INPP5D: variants seen among roughly 807,000 people sequenced by gnomAD.
INPP5D encodes inositol polyphosphate-5-phosphatase D.
In INPP5D, 33 loss-of-function variants were observed where a neutral mutation model predicts 122.9. That is an observed-to-expected ratio of 0.27 (90% CI 0.20 to 0.36). The LOEUF (loss-of-function observed/expected upper bound fraction) is 0.36. INPP5D is among the 10% of genes least tolerant of loss of function. The probability of loss-of-function intolerance (pLI) is 1.00; values close to 1 mark genes in which losing one functional copy is unlikely to be tolerated. For missense variants in INPP5D, 1,053 were observed against 1,412.7 expected, an observed-to-expected ratio of 0.75 and a Z score of 4.08; for synonymous variants, 584 against 576.2, an observed-to-expected ratio of 1.01 and a Z score of -0.19.
rs1245949864 is a variant in INPP5D at position 233,100,125 on chromosome 2, T to C, written c.198+20727T>C. 1.3e-5 allele frequency among the ~76,000 whole-genome samples: 2 copies of C among 152,088 alleles called. No homozygotes were observed. The highest frequency in any genetic ancestry group is 6.6e-5 in the Admixed American group (1 of 15,260). ...AGATGAGATTTGGGTGGGGACACAG[T>C]CAAACCATATCAGAGTGGAAGCATT... On this transcript the variant is annotated intron_variant, in intron 2 of 26. Transcript: ENST00000445964. This position sits in a 1 kb window ranked among gnomAD's most constrained non-coding sequence, Gnocchi z 5.3.
At chr2:233,098,313 G>A (rs1362532559) in intron 2 of INPP5D, among the ~76,000 whole-genome samples, 1 of 152,126 alleles carries the variant, frequency 6.6e-6, no homozygotes, top group East Asian at 1.9e-4. Context: ...TGCCCAAATG[G>A]GACCAGCACC....
intron 13 of INPP5D, among the ~76,000 whole-genome samples, chr2:233,165,844 G>A (rs981650679): frequency 3.2e-5 from 3 of 94,194 alleles, no homozygotes; most frequent in African/African-American, 1.0e-4. Context: ...GAGCCTCTCT[G>A]TGTGTTTGTG....
chr2:233,170,451 T>G lies in INPP5D; in HGVS notation c.1792-45T>G. The G allele has an allele frequency of 6.2e-7, 1 of 1,612,308 alleles. No homozygotes were observed. Among genetic ancestry groups the G allele is most frequent in the Non-Finnish European group, 8.5e-7 (1 of 1,179,170 alleles). Reference sequence around the variant, plus strand: ...AGCCCCGAAGCTTGTCAGGCCTGGATCAGCAGGGCTTCTCACCAGAGGCCC... The same window carrying G: ...AGCCCCGAAGCTTGTCAGGCCTGGAGCAGCAGGGCTTCTCACCAGAGGCCC... On this transcript the variant is annotated intron_variant, in intron 15 of 26. Transcript: ENST00000445964. The surrounding 1 kb of genome is among the most constrained non-coding windows in gnomAD (Gnocchi z 4.5).
intron 24 of INPP5D, among the ~76,000 whole-genome samples, chr2:233,196,220 A>C (rs1034423272): frequency 6.6e-6 from 1 of 152,180 alleles, no homozygotes; most frequent in Non-Finnish European, 1.5e-5. Context: ...CAGGAGAAAG[A>C]AGCTCCAGCC....
chr2:233,085,426 A>G (rs1267639404), intron 2 of INPP5D, among the ~76,000 whole-genome samples: 1 of 151,468 alleles, frequency 6.6e-6, no homozygotes, highest in Non-Finnish European at 1.5e-5. Flanking sequence ...AATAGTTCCG[A>G]GTACAAAATC....
intron 2 of INPP5D, among the ~76,000 whole-genome samples, chr2:233,110,253 G>A (rs1207937899): frequency 2.0e-5 from 3 of 151,470 alleles, no homozygotes; most frequent in Non-Finnish European, 4.4e-5. Context: ...CAGGTTTTCA[G>A]CATGTTGACC....
chr2:233,169,511 G>A, intron 14 of INPP5D, 110 bp downstream of exon 14: 1 of 1,490,462 alleles, frequency 6.7e-7, no homozygotes, highest in Non-Finnish European at 9.0e-7. Flanking sequence ...TTGACCTTGT[G>A]GATGTCCTGT....
At chr2:233,193,632 G>C (rs552684384) in intron 22 of INPP5D, among the ~76,000 whole-genome samples, 180 bp from the exon 23 acceptor site, 1 of 152,090 alleles carries the variant, frequency 6.6e-6, no homozygotes, top group African/African-American at 2.4e-5. Context: ...ACTAATCCAC[G>C]TTTTGTTCTA....
intron 18 of INPP5D, among the ~76,000 whole-genome samples, chr2:233,179,033 T>C (rs1694718178): frequency 6.6e-6 from 1 of 152,194 alleles, no homozygotes; most frequent in Non-Finnish European, 1.5e-5. Flanking sequence ...GCAGCTACCC[T>C]GAAATAGTTT....
chr2:233,174,107 G>C (rs1318039624), intron 17 of INPP5D, among the ~76,000 whole-genome samples: 1 of 152,344 alleles, frequency 6.6e-6, no homozygotes, highest in Admixed American at 6.5e-5. Flanking sequence ...ACCTCCTGAA[G>C]GACCTGCCTG....
chr2:233,085,943 T>G (rs1691817481), intron 2 of INPP5D, among the ~76,000 whole-genome samples: 1 of 152,188 alleles, frequency 6.6e-6, no homozygotes, highest in Non-Finnish European at 1.5e-5. Flanking sequence ...TGGGCCTGTT[T>G]CCTGTCTTTG....
intron 2 of INPP5D, among the ~76,000 whole-genome samples, chr2:233,080,654 C>T (rs1404822624): frequency 1.3e-5 from 2 of 152,092 alleles, no homozygotes; most frequent in Non-Finnish European, 2.9e-5. Flanking sequence ...AGGGTACACT[C>T]TTCAGTTTCA....
intron 4 of INPP5D, 53 bp downstream of exon 4, chr2:233,125,972 G>T: frequency 6.4e-7 from 1 of 1,553,854 alleles, no homozygotes; most frequent in South Asian, 1.2e-5. Context: ...AGCCCAGCCA[G>T]GGCAGGGCTG....
rs141766955 is a variant in INPP5D, at chr2:233,187,295, T to C, written c.2358+1370T>C. ...TTATTATGAGCTTATTAGTTGTTCA[T>C]GCTGGGTGGGAAGTGGAGTTTCTTT... On this transcript the variant is annotated intron_variant, in intron 21 of 26. Coordinates refer to ENST00000445964, the MANE Select transcript of INPP5D (RefSeq NM_001017915.3). Among the ~76,000 whole-genome samples, 921 of 152,310 alleles carry C rather than the reference T, an allele frequency of 6.0e-3. 14 individuals carry two copies. The highest frequency in any genetic ancestry group is 0.021 in the African/African-American group (870 of 41,576).
chr2:233,102,222 C>T (rs894454575), intron 2 of INPP5D, among the ~76,000 whole-genome samples: 2 of 152,158 alleles, frequency 1.3e-5, no homozygotes, highest in Non-Finnish European at 2.9e-5. Context: ...ATTAAAAAAT[C>T]GGAGATTTCA....
chr2:233,116,742 G>T (rs978344583), intron 2 of INPP5D, among the ~76,000 whole-genome samples: 1 of 151,906 alleles, frequency 6.6e-6, no homozygotes, highest in Admixed American at 6.6e-5. Flanking sequence ...GATTACAGGC[G>T]CCTGCCACTG....
chr2:233,149,883 A>G (rs979291785), intron 9 of INPP5D, among the ~76,000 whole-genome samples: 5 of 152,080 alleles, frequency 3.3e-5, no homozygotes, highest in Non-Finnish European at 1.5e-5. Flanking sequence ...AGTGCTCAAT[A>G]TCATTGACTG....
At chr2:233,101,521 T>C (rs1240514613) in intron 2 of INPP5D, among the ~76,000 whole-genome samples, 1 of 148,188 alleles carries the variant, frequency 6.7e-6, no homozygotes, top group African/African-American at 2.5e-5. Flanking sequence ...ATTTTATAAA[T>C]TAATAATGAT....
At chr2:233,142,389 T>A (rs1693651914) in intron 6 of INPP5D, among the ~76,000 whole-genome samples, 1 of 152,236 alleles carries the variant, frequency 6.6e-6, no homozygotes, top group South Asian at 2.1e-4. Flanking sequence ...TTCACCCTCC[T>A]GGATCTTTAG....
Sources: allele counts gnomAD v4.1 joint callset (sites outside exome capture counted in the v4.1 genomes callset), GRCh38; gene constraint gnomAD v4.1.1; non-coding constraint Gnocchi (gnomAD v3.1); transcripts MANE v1.5; gene names NCBI Gene and HGNC (gene_info 2026-07-23, HGNC 2026-07-21).